TERF2IP: variants seen among roughly 807,000 people sequenced by gnomAD.
TERF2IP encodes the protein TERF2 interacting protein.
TERF2IP carries 35 observed loss-of-function variants against 33.3 expected under a neutral mutation model. The observed-to-expected ratio is 1.05, with a 90% CI of 0.80 to 1.39. The LOEUF (loss-of-function observed/expected upper bound fraction) is 1.39. Ranked by LOEUF, TERF2IP falls within the 40% of genes most tolerant of loss-of-function variation. The pLI, the probability that TERF2IP is intolerant of heterozygous loss-of-function variation, is 0.00. For synonymous variants in TERF2IP, 253 were observed against 223.2 expected (o/e 1.13, Z -1.19); for missense variants, 583 against 524.8 (o/e 1.11, Z -1.08).
At chr16:75,651,874 AT>A (rs144281234) in intron 1 of TERF2IP, among the ~76,000 whole-genome samples, 95 of 152,056 alleles carry the variant, frequency 6.2e-4, no homozygotes, top group African/African-American at 2.2e-3. Flanking sequence ...CAAGTTATTT[AT>A]TTTTTTTAAC....
rs769159745 is a variant in TERF2IP, at chr16:75,648,084, G to A, written c.202G>A (p.Gly68Arg). The A allele has an allele frequency of 9.6e-6, 15 of 1,570,006 alleles. No homozygotes were observed. Among genetic ancestry groups the A allele is most frequent in the Non-Finnish European group, 1.1e-5 (13 of 1,158,184 alleles). The change falls in exon 1 of 3, where the codon GGG becomes AGG. Residue 68 changes from glycine to arginine, a missense_variant. Physicochemically the swap from Gly to Arg is moderately radical, Grantham distance 125 (BLOSUM62 -2). Coordinates refer to ENST00000300086, the MANE Select transcript of TERF2IP (RefSeq NM_018975.4). ...EPGAVLLAQPGEALAEASGDF... is the reference protein window; with the variant it reads ...EPGAVLLAQPREALAEASGDF... The stretch of plus-strand genomic sequence containing the variant: ...CGGGGCCGTGCTGCTGGCCCAGCCC[G>A]GGGAGGCGCTGGCCGAGGCCTCGGG...
Position 75,649,667 on chromosome 16 carries a change from C to T in TERF2IP, c.670+1115C>T, listed in dbSNP as rs2082332682. The stretch of plus-strand genomic sequence containing the variant: ...TTTTAAAAAAGATTGCTGTTATGTT[C>T]AGGTAGATTCAGTATAAAGGCGTAC... On this transcript the variant is annotated intron_variant, in intron 1 of 2. Transcript: ENST00000300086. Among the ~76,000 whole-genome samples, 4 of 152,118 alleles carry T rather than the reference C, an allele frequency of 2.6e-5. No individual in the cohort carries two copies. In the South Asian group the frequency reaches 8.3e-4, roughly 32 times the overall value.
In TERF2IP at chr16:75,648,022, T is replaced by C. The variant is rs2082313688; in HGVS notation, c.140T>C (p.Leu47Pro). The C allele has an allele frequency of 1.2e-6, 2 of 1,612,274 alleles. No homozygotes were observed. Among genetic ancestry groups the C allele is most frequent in the Non-Finnish European group, 1.7e-6 (2 of 1,179,460 alleles). ...AAGCGTCGGCTGTCGACGCTCATCC[T>C]GCACGGCGGCGGCACCGTGTGCCGA... is the stretch of plus-strand genomic sequence containing the variant. The part of the protein sequence containing the change: ...PAKRRLSTLI[L>P]HGGGTVCRVQ... The change falls in exon 1 of 3, where the codon CTG becomes CCG. Residue 47 changes from leucine (L) to proline (P), a missense_variant. Leu to Pro is a moderately conservative substitution (Grantham distance 98). Transcript: ENST00000300086.
Position 75,657,402 on chromosome 16 carries a change from T to C in TERF2IP, c.*791T>C, listed in dbSNP as rs1326878774. 1.3e-5 allele frequency: 2 copies of C among 152,256 alleles called. No homozygotes were observed. Among genetic ancestry groups the C allele is most frequent in the African/African-American group, 2.4e-5 (1 of 41,470 alleles). 9.4% of individuals were successfully genotyped at this position (152,256 alleles called of 1,614,324 possible). ...ACTCCACTTTGTTGTGTTGTTTTCA[T>C]TGTTGAAAATAAATATAACTTTGTA... is the stretch of plus-strand genomic sequence containing the variant. On this transcript the variant is annotated 3_prime_UTR_variant, in exon 3 of 3. Coordinates refer to ENST00000300086, the MANE Select transcript of TERF2IP (RefSeq NM_018975.4).
chr16:75,655,500 G>C (rs1012020173), intron 2 of TERF2IP, among the ~76,000 whole-genome samples: 32 of 152,082 alleles, frequency 2.1e-4, no homozygotes, highest in Admixed American at 2.6e-4. Flanking sequence ...TGAGTGAAGG[G>C]ATGCACAGGA....
chr16:75,651,947 G>A (rs1030216785), intron 1 of TERF2IP, among the ~76,000 whole-genome samples: 1 of 152,094 alleles, frequency 6.6e-6, no homozygotes, highest in Non-Finnish European at 1.5e-5. Context: ...AATACAATGG[G>A]TAATATCCAA....
In TERF2IP at chr16:75,656,306, G is replaced by A. The variant is rs780020901; in HGVS notation, c.895G>A (p.Glu299Lys). The A allele has an allele frequency of 1.2e-6, 2 of 1,605,002 alleles. No homozygotes were observed. Among genetic ancestry groups the A allele is most frequent in the Non-Finnish European group, 1.7e-6 (2 of 1,173,306 alleles). Residue 299 changes from glutamate (E) to lysine (K), a missense_variant, in exon 3 of 3, where the codon GAA becomes AAA. Physicochemically the swap from Glu to Lys is moderately conservative, Grantham distance 56 (BLOSUM62 1). Transcript: ENST00000300086. ...EDSETQPDEE[E>K]EEEEEKVSQP... ...CTCAGAAACACAGCCTGATGAGGAG[G>A]AAGAAGAAGAAGAAGAAAAAGTTTC...
chr16:75,655,472 TA>T (rs1343897572), intron 2 of TERF2IP, among the ~76,000 whole-genome samples: 1 of 152,242 alleles, frequency 6.6e-6, no homozygotes, highest in African/African-American at 2.4e-5. Context: ...GGAAATAATT[TA>T]AAGCTTCTGT....
intron 1 of TERF2IP, among the ~76,000 whole-genome samples, chr16:75,649,068 T>C (rs2082326795): frequency 6.7e-6 from 1 of 149,714 alleles, no homozygotes; most frequent in Non-Finnish European, 1.5e-5. Context: ...GGTCTCGTTG[T>C]GTTGCCCTGA....
At chr16:75,655,956 T>C (rs1435925860) in intron 2 of TERF2IP, among the ~76,000 whole-genome samples, 1 of 152,114 alleles carries the variant, frequency 6.6e-6, no homozygotes, top group Non-Finnish European at 1.5e-5. Flanking sequence ...TACACACATA[T>C]ACACATATAC....
intron 1 of TERF2IP, among the ~76,000 whole-genome samples, chr16:75,652,204 C>T (rs956131622): frequency 1.3e-5 from 2 of 152,166 alleles, no homozygotes; most frequent in African/African-American, 4.8e-5. Flanking sequence ...CCTCTATTAC[C>T]GTCTCTTGTC....
intron 1 of TERF2IP, among the ~76,000 whole-genome samples, chr16:75,649,749 C>T (rs555612861): frequency 1.3e-5 from 2 of 152,232 alleles, no homozygotes; most frequent in South Asian, 2.1e-4. Flanking sequence ...AGAAGGTTCT[C>T]GGCAGTTGGA....
intron 1 of TERF2IP, among the ~76,000 whole-genome samples, chr16:75,653,400 A>T (rs2082361105): frequency 6.6e-6 from 1 of 152,296 alleles, no homozygotes; most frequent in Middle Eastern, 3.4e-3. Flanking sequence ...TTTTCCAGTT[A>T]TATGTGTTTT....
At chr16:75,651,538 A>G (rs761809525) in intron 1 of TERF2IP, among the ~76,000 whole-genome samples, 18 of 152,110 alleles carry the variant, frequency 1.2e-4, no homozygotes, top group Non-Finnish European at 1.0e-4. Flanking sequence ...AAACTACAAA[A>G]ACTATCCAGG....
chr16:75,653,134 T>C (rs904169994), intron 1 of TERF2IP, among the ~76,000 whole-genome samples: 18 of 152,252 alleles, frequency 1.2e-4, no homozygotes, highest in African/African-American at 3.6e-4. Context: ...ATTGTATGTA[T>C]ATACTACATT....
In TERF2IP at chr16:75,648,362, T is replaced by G. The variant is rs148505927; in HGVS notation, c.480T>G (p.Gly160=). ...CCCGCTCGCCCAGCTCCGTCACCGG[T>G]AACGCCTTGTGGAAAGCGATGGAGA... ...ENARSPSSVT[G]NALWKAMEKS... is the part of the protein sequence containing the mutation. The change falls in exon 1 of 3, where the codon GGT becomes GGG. Residue 160 remains glycine, a synonymous_variant. Transcript: ENST00000300086. The G allele has an allele frequency of 1.0e-5, 16 of 1,601,748 alleles. No individual in the cohort carries two copies. Among genetic ancestry groups the G allele is most frequent in the African/African-American group, 1.3e-5 (1 of 74,836 alleles).
chr16:75,650,894 G>A (rs1348933945), intron 1 of TERF2IP, among the ~76,000 whole-genome samples: 1 of 152,152 alleles, frequency 6.6e-6, no homozygotes, highest in East Asian at 1.9e-4. Context: ...TTTGGAACTT[G>A]GGACAAAATT....
rs778859432 is a variant in TERF2IP, at chr16:75,648,330, G to A, written c.448G>A (p.Glu150Lys). 2 of 1,575,496 alleles carry A rather than the reference G, an allele frequency of 1.3e-6. No individual in the cohort carries two copies. The highest frequency in any genetic ancestry group is 8.6e-7 in the Non-Finnish European group (1 of 1,160,646). ...CGTAGCCATCCTTACCTACGTGAAGGAAAATGCCCGCTCGCCCAGCTCCGT... is the reference window on the plus strand; with the variant it reads ...CGTAGCCATCCTTACCTACGTGAAGAAAAATGCCCGCTCGCCCAGCTCCGT... ...DDVAILTYVK[E>K]NARSPSSVTG... Residue 150 changes from glutamate to lysine, a missense_variant, in exon 1 of 3, where the codon GAA becomes AAA. Coordinates refer to ENST00000300086, the MANE Select transcript of TERF2IP (RefSeq NM_018975.4).
chr16:75,655,396 T>G (rs2082377164), intron 2 of TERF2IP, among the ~76,000 whole-genome samples: 1 of 152,224 alleles, frequency 6.6e-6, no homozygotes, highest in South Asian at 2.1e-4. Flanking sequence ...TGATAAAGCG[T>G]CTTGTGAACT....
Sources: gnomAD v4.1 joint callset for allele counts (sites outside exome capture counted in the v4.1 genomes callset) on GRCh38, gnomAD v4.1.1 for gene constraint, MANE v1.5 for transcripts, NCBI Gene and HGNC (gene_info 2026-07-23, HGNC 2026-07-21) for gene names.